CCDC33: variants seen among roughly 807,000 people sequenced by gnomAD.
CCDC33 encodes coiled-coil domain containing 33.
A neutral mutation model predicts 91.9 loss-of-function variants in CCDC33; 94 were observed. That is an observed-to-expected ratio of 1.02 (90% CI 0.87 to 1.21). The LOEUF is 1.21. Among genes scored for constraint, CCDC33 ranks in the 50% most tolerant of loss-of-function variants. The pLI, the probability that CCDC33 is intolerant of heterozygous loss-of-function variation, is 0.00. For synonymous variants in CCDC33, 396 were observed against 374.5 expected (o/e 1.06, Z -0.66); for missense variants, 940 against 935.5 (o/e 1.00, Z -0.06).
intron 2 of CCDC33, among the ~76,000 whole-genome samples, chr15:74,211,910 ACT>A (rs1169726157): frequency 2.9e-5 from 4 of 138,486 alleles, no homozygotes; most frequent in South Asian, 4.7e-4. Context: ...TCTCTCTATC[ACT>A]CTCTCTGTTG....
chr15:74,277,236 G>C (rs1035101486), intron 7 of CCDC33, among the ~76,000 whole-genome samples: 2 of 152,344 alleles, frequency 1.3e-5, no homozygotes, highest in South Asian at 2.1e-4. Context: ...GGACTTGAAG[G>C]CCACACAGCA....
At chr15:74,323,966 G>T in intron 11 of CCDC33, among the ~76,000 whole-genome samples, 1 of 151,838 alleles carries the variant, frequency 6.6e-6, no homozygotes, top group Non-Finnish European at 1.5e-5. Flanking sequence ...AGTGGCAGGC[G>T]CCTGTAATCC....
rs566228194 is a variant in CCDC33, at chr15:74,204,501, G to T, written n.89+1403G>T. Among the ~76,000 whole-genome samples, 7 of 152,334 alleles carry T rather than the reference G, an allele frequency of 4.6e-5. No homozygotes were observed. In the South Asian group the frequency reaches 1.4e-3, roughly 32 times the overall value. On this transcript the variant is annotated intron_variant and non_coding_transcript_variant, in intron 1 of 3. Transcript: ENST00000558645. ...AGCCCTTCCCTGCTCAGGGGTCTCA[G>T]ACTGTTACCTTAGGGAGCAGCCAAC...
At chr15:74,255,478 G>A (rs978233266) in intron 2 of CCDC33, among the ~76,000 whole-genome samples, 1 of 152,266 alleles carries the variant, frequency 6.6e-6, no homozygotes, top group African/African-American at 2.4e-5. Context: ...ACAAAGGTGG[G>A]GACAGAGGAG....
intron 1 of CCDC33, chr15:74,209,093 C>A (rs2074327483): frequency 1.5e-6 from 2 of 1,290,484 alleles, no homozygotes; most frequent in African/African-American, 1.5e-5. Flanking sequence ...CCTGCCCTCA[C>A]AGACCTCCCG....
At chr15:74,269,313 C>T (rs914742085) in intron 5 of CCDC33, among the ~76,000 whole-genome samples, 3 of 151,746 alleles carry the variant, frequency 2.0e-5, no homozygotes, top group Admixed American at 6.6e-5. Context: ...TTCCCACCCC[C>T]CTACTTCCCA....
chr15:74,298,579 A>G (rs560755399), intron 11 of CCDC33, among the ~76,000 whole-genome samples: 46 of 152,034 alleles, frequency 3.0e-4, no homozygotes, highest in Non-Finnish European at 5.7e-4. Context: ...CGCTCTTGTT[A>G]TCCAGGCTGG....
chr15:74,328,348 A>T (rs2060352822), intron 11 of CCDC33, among the ~76,000 whole-genome samples: 1 of 152,208 alleles, frequency 6.6e-6, no homozygotes, highest in Non-Finnish European at 1.5e-5. Flanking sequence ...CTGCCTGGGC[A>T]GGGGCTTCAC....
chr15:74,224,089 C>T (rs1368365284), intron 2 of CCDC33, among the ~76,000 whole-genome samples: 1 of 152,212 alleles, frequency 6.6e-6, no homozygotes, highest in African/African-American at 2.4e-5. Context: ...TCATGGCGTT[C>T]TCAGAGAATG....
chr15:74,275,965 A>C (rs1209336227), intron 7 of CCDC33, among the ~76,000 whole-genome samples: 1 of 152,190 alleles, frequency 6.6e-6, no homozygotes, highest in African/African-American at 2.4e-5. Flanking sequence ...CACCGCACCC[A>C]GCAGCACCCT....
intron 7 of CCDC33, among the ~76,000 whole-genome samples, chr15:74,275,879 G>GGA (rs2076436782): frequency 6.6e-6 from 1 of 152,204 alleles, no homozygotes; most frequent in African/African-American, 2.4e-5. Context: ...ATGTTAACCA[G>GGA]GCTGATCTTG....
intron 2 of CCDC33, among the ~76,000 whole-genome samples, chr15:74,252,445 G>A (rs575583009): frequency 6.6e-6 from 1 of 152,324 alleles, no homozygotes; most frequent in African/African-American, 2.4e-5. Flanking sequence ...ATAGTCCCAG[G>A]AATAAGGCAG....
In CCDC33 at chr15:74,280,682, C is replaced by A. The variant is rs972235466; in HGVS notation, c.904C>A (p.Pro302Thr). 1 of 1,510,198 alleles carries A rather than the reference C, an allele frequency of 6.6e-7. No individual in the cohort carries two copies. Among genetic ancestry groups the A allele is most frequent in the Non-Finnish European group, 8.9e-7 (1 of 1,128,018 alleles). 93.5% of individuals were successfully genotyped at this position (1,510,198 alleles called of 1,614,324 possible). A position where few individuals can be genotyped will look rare whatever the true frequency, so the allele number is the denominator to read the frequency against. The change falls in exon 9 of 19, where the codon CCG (proline) becomes ACG (threonine). Residue 302 changes from proline to threonine, a missense_variant. Coordinates refer to ENST00000398814, the MANE Select transcript of CCDC33 (RefSeq NM_025055.5). The part of the protein sequence containing the change: ...YSSTSMKGSQ[P>T]WTLNQPLGIS... Reference sequence around the variant, plus strand: ...TTCCCCCACAGTGAAAGGCAGCCAGCCGTGGACCCTCAACCAGCCCCTGGG... The same window carrying A: ...TTCCCCCACAGTGAAAGGCAGCCAGACGTGGACCCTCAACCAGCCCCTGGG...
chr15:74,204,017 C>T (rs2074194298), intron 1 of CCDC33, among the ~76,000 whole-genome samples: 1 of 152,218 alleles, frequency 6.6e-6, no homozygotes. Flanking sequence ...CCCAAGCCTG[C>T]AGGGCAGGAT....
intron 2 of CCDC33, among the ~76,000 whole-genome samples, chr15:74,228,536 T>C (rs2074869971): frequency 6.6e-6 from 1 of 152,148 alleles, no homozygotes; most frequent in South Asian, 2.1e-4. Flanking sequence ...TTTGGGGAAC[T>C]TGGAAGCTCT....
rs778557597 is a variant in CCDC33, at chr15:74,272,867, C to T, written c.735C>T (p.Arg245=). The change falls in exon 7 of 19, where the codon CGC becomes CGT. Residue 245 remains arginine (R), a synonymous_variant. Transcript: ENST00000398814. ...IPSMMNFDVP[R]VSQNGCPQLS... The stretch of plus-strand genomic sequence containing the variant: ...CCATGATGAACTTTGACGTGCCTCG[C>T]GTCAGCCAGAACGGATGCCCTCAGG... 15 of 1,614,100 alleles carry T rather than the reference C, an allele frequency of 9.3e-6. No homozygotes were observed. Among genetic ancestry groups the T allele is most frequent in the African/African-American group, 5.3e-5 (4 of 74,944 alleles).
chr15:74,302,443 G>A (rs1277502066), intron 11 of CCDC33: 2 of 152,252 alleles, frequency 1.3e-5, no homozygotes, highest in Non-Finnish European at 2.9e-5. Context: ...GGGGACGCTG[G>A]GTGACCATGT....
chr15:74,314,274 A>AC (rs778624466), intron 11 of CCDC33, among the ~76,000 whole-genome samples: 5 of 152,116 alleles, frequency 3.3e-5, no homozygotes, highest in Non-Finnish European at 7.4e-5. Context: ...GGGGACAGAG[A>AC]CCCCAAGCCT....
intron 7 of CCDC33, among the ~76,000 whole-genome samples, chr15:74,278,459 G>C (rs2076506541): frequency 6.6e-6 from 1 of 152,238 alleles, no homozygotes; most frequent in Admixed American, 6.5e-5. Flanking sequence ...CACTTGGTGG[G>C]TCTGTAGCAA....
Sources: allele counts gnomAD v4.1 joint callset (sites outside exome capture counted in the v4.1 genomes callset), GRCh38; gene constraint gnomAD v4.1.1; transcripts MANE v1.5; gene names NCBI Gene and HGNC (gene_info 2026-07-23, HGNC 2026-07-21).